Variants in FMN2 observed in about 807,000 individuals in gnomAD.
FMN2 encodes formin 2.
Under a neutral mutation model 142.3 loss-of-function variants are expected in FMN2, and 51 were observed. That is an observed-to-expected ratio of 0.36 (90% confidence interval 0.29 to 0.45). FMN2 has a LOEUF of 0.45. Ranked by LOEUF, FMN2 falls within the 20% of genes least tolerant of loss-of-function variation. The pLI, the probability that FMN2 is intolerant of heterozygous loss-of-function variation, is 1.00. For synonymous variants in FMN2, 882 were observed against 869.8 expected, an observed-to-expected ratio of 1.01 and a Z score of -0.25; for missense variants, 1,936 against 2,122.8, an observed-to-expected ratio of 0.91 and a Z score of 1.73.
At chr1:240,259,860 T>C (rs1454723047) in intron 7 of FMN2, among the ~76,000 whole-genome samples, 1 of 152,158 alleles carries the variant, frequency 6.6e-6, no homozygotes, top group African/African-American at 2.4e-5. Context: ...ACCCAAGCAG[T>C]ATACACTGAA....
intron 1 of FMN2, among the ~76,000 whole-genome samples, chr1:240,110,032 G>A (rs1028009127): frequency 2.0e-5 from 3 of 152,206 alleles, no homozygotes; most frequent in Non-Finnish European, 1.5e-5. Context: ...AATTAAGGCA[G>A]TGTGTTCTAC....
chr1:240,199,707 T>C (rs1572051524), intron 4 of FMN2, among the ~76,000 whole-genome samples: 1 of 152,222 alleles, frequency 6.6e-6, no homozygotes, highest in African/African-American at 2.4e-5. Context: ...CTACCACTTA[T>C]GATTTAGGGT....
chr1:240,334,635 T>G (rs993959248), intron 13 of FMN2, among the ~76,000 whole-genome samples: 1 of 123,942 alleles, frequency 8.1e-6, no homozygotes, highest in Non-Finnish European at 1.6e-5. Context: ...TTATGAACTT[T>G]CCTGGGAACA....
chr1:240,430,177 C>T (rs1167230753), intron 15 of FMN2, among the ~76,000 whole-genome samples: 2 of 152,122 alleles, frequency 1.3e-5, no homozygotes, highest in Non-Finnish European at 2.9e-5. Flanking sequence ...TGAGCCACTG[C>T]ACCCGGCCTG....
At chr1:240,268,611 T>C (rs545104797) in intron 7 of FMN2, among the ~76,000 whole-genome samples, 49 of 152,136 alleles carry the variant, frequency 3.2e-4, no homozygotes, top group South Asian at 1.9e-3. Flanking sequence ...ATGAGTAGAA[T>C]CTAAGTAGAG....
At position 240,221,219 on chromosome 1, in the gene FMN2, T is replaced by C. The variant is rs569566375; in HGVS notation, c.4065+9984T>C. Among the ~76,000 whole-genome samples, 8 of 152,288 alleles carry C rather than the reference T, an allele frequency of 5.3e-5. No homozygotes were observed. In the East Asian group the frequency reaches 1.2e-3, roughly 22 times the overall value. On this transcript the variant is annotated intron_variant, in intron 6 of 17. Transcript: ENST00000319653. ...TTATAGTAGAATGATTTATAATCCT[T>C]TGAGTATATACCCAGTAATGGGATT... is the stretch of plus-strand genomic sequence containing the variant.
At chr1:240,307,592 C>G (rs1270694133) in intron 8 of FMN2, among the ~76,000 whole-genome samples, 1 of 152,126 alleles carries the variant, frequency 6.6e-6, no homozygotes, top group African/African-American at 2.4e-5. Flanking sequence ...CTGTTCTGAT[C>G]CATTGATCTG....
intron 16 of FMN2, among the ~76,000 whole-genome samples, chr1:240,460,410 G>A (rs1162472917): frequency 6.6e-6 from 1 of 152,102 alleles, no homozygotes; most frequent in Non-Finnish European, 1.5e-5. Context: ...TGGGAAACAT[G>A]GTGAAACGCC....
At chr1:240,368,219 T>C (rs1232420137) in intron 14 of FMN2, among the ~76,000 whole-genome samples, 1 of 152,212 alleles carries the variant, frequency 6.6e-6, no homozygotes, top group Non-Finnish European at 1.5e-5. Flanking sequence ...TGGTAGTTTA[T>C]TCTGCTATAT....
chr1:240,136,390 C>T (rs1242640772), intron 2 of FMN2, among the ~76,000 whole-genome samples: 2 of 152,158 alleles, frequency 1.3e-5, no homozygotes, highest in Non-Finnish European at 2.9e-5. Flanking sequence ...TGCTTCCCAA[C>T]AGTAAAGTTA....
At chr1:240,331,137 G>A (rs1163108198) in intron 11 of FMN2, among the ~76,000 whole-genome samples, 1 of 149,034 alleles carries the variant, frequency 6.7e-6, no homozygotes, top group African/African-American at 2.5e-5. Flanking sequence ...TTTTTTCTTT[G>A]TCATGTTAAG....
rs1278257077 is a variant in FMN2 at position 240,091,921 on chromosome 1, C to A, written c.-189C>A. 3 of 1,005,822 alleles carry A rather than the reference C, an allele frequency of 3.0e-6. No homozygotes were observed. Among genetic ancestry groups the A allele is most frequent in the South Asian group, 2.6e-5 (1 of 39,100 alleles). 62.3% of individuals were successfully genotyped at this position (1,005,822 alleles called of 1,614,324 possible). On this transcript the variant is annotated 5_prime_UTR_variant, in exon 1 of 18. Coordinates refer to ENST00000319653, the MANE Select transcript of FMN2 (RefSeq NM_020066.5). The stretch of plus-strand genomic sequence containing the variant: ...CAGCGACGGCAGCCACGGGAGCCGC[C>A]GCGCATTATGCAAAGCGGCGGCAGA...
At chr1:240,141,425 C>T (rs1327582078) in intron 2 of FMN2, among the ~76,000 whole-genome samples, 1 of 152,116 alleles carries the variant, frequency 6.6e-6, no homozygotes, top group East Asian at 1.9e-4. Flanking sequence ...GATCTCGGCT[C>T]ACTGCAAACT....
chr1:240,102,727 A>G (rs1457051451), intron 1 of FMN2, among the ~76,000 whole-genome samples: 6 of 152,150 alleles, frequency 3.9e-5, no homozygotes, highest in African/African-American at 1.4e-4. Context: ...ATCCAGAAGT[A>G]TGTTGACTCT....
rs1160088446 is a variant in FMN2, at chr1:240,164,696, T to C, written c.1783-13225T>C. ...GACACTAACTTCTTAACAAAAATAATCTGTTTATTCATTCATTGAAGGTCA... is the reference window on the plus strand; with the variant it reads ...GACACTAACTTCTTAACAAAAATAACCTGTTTATTCATTCATTGAAGGTCA... On this transcript the variant is annotated intron_variant, in intron 2 of 17. Transcript: ENST00000319653. Among the ~76,000 whole-genome samples the C allele has an allele frequency of 2.0e-5, 3 of 152,208 alleles. No homozygotes were observed. The East Asian group carries it at 5.8e-4, about 29-fold the overall frequency.
At chr1:240,386,449 C>T (rs1327305394) in intron 14 of FMN2, among the ~76,000 whole-genome samples, 1 of 152,176 alleles carries the variant, frequency 6.6e-6, no homozygotes, top group East Asian at 1.9e-4. Context: ...TACTCAAATG[C>T]AACTCTGTCT....
At chr1:240,116,960 G>A (rs1324754764) in intron 1 of FMN2, among the ~76,000 whole-genome samples, 1 of 152,000 alleles carries the variant, frequency 6.6e-6, no homozygotes, top group Non-Finnish European at 1.5e-5. Context: ...TGTGGCTCAA[G>A]GGAGGATTTG....
At chr1:240,209,500 C>G (rs1045676082) in intron 5 of FMN2, among the ~76,000 whole-genome samples, 6 of 151,170 alleles carry the variant, frequency 4.0e-5, no homozygotes, top group Admixed American at 1.3e-4. Context: ...GTGATCCGCC[C>G]GCCTCGGCTT....
rs1665557555 is a variant in FMN2, at chr1:240,188,126, A to G, written c.1931-81A>G. On this transcript the variant is annotated intron_variant, in intron 3 of 17. Coordinates refer to ENST00000319653, the MANE Select transcript of FMN2 (RefSeq NM_020066.5). ...GTACTTATGGTTAATGATATATTTT[A>G]GTGAAAGTTTTATTTTCTGATTGAA... The G allele has an allele frequency of 3.0e-6, 4 of 1,354,268 alleles. No homozygotes were observed. The South Asian group carries it at 3.7e-5, about 12-fold the overall frequency. The allele number at this position is 1,354,268 out of a possible 1,614,324, so 83.9% of individuals were successfully genotyped here. A position where few individuals can be genotyped will look rare whatever the true frequency, so the allele number is the denominator to read the frequency against.
Sources: allele counts gnomAD v4.1 joint callset (sites outside exome capture counted in the v4.1 genomes callset), GRCh38; gene constraint gnomAD v4.1.1; transcripts MANE v1.5; gene names NCBI Gene and HGNC (gene_info 2026-07-23, HGNC 2026-07-21).